The following CTIF variants were observed in gnomAD, a reference collection of about 807,000 sequenced individuals.
CTIF encodes cap binding complex dependent translation initiation factor.
A neutral mutation model predicts 66.0 loss-of-function variants in CTIF; 21 were observed. That is an observed-to-expected ratio of 0.32 (90% CI 0.23 to 0.46). CTIF has a LOEUF of 0.46. Among genes scored for constraint, CTIF ranks in the 20% least tolerant of loss-of-function variants. CTIF has a pLI of 1.00. For synonymous variants in CTIF, 345 were observed against 326.4 expected (o/e 1.06, Z -0.62); for missense variants, 739 against 812.7 (o/e 0.91, Z 1.10).
intron 10 of CTIF, among the ~76,000 whole-genome samples, chr18:48,850,372 T>C (rs1478551866): frequency 6.6e-6 from 1 of 152,176 alleles, no homozygotes; most frequent in Admixed American, 6.5e-5. Flanking sequence ...AGATCTGTGT[T>C]TGAGCTAAGT....
rs559100026 is a variant in CTIF, at chr18:48,810,333, T to A, written c.1372-6888T>A. ...ATTTAGTGGCCAAAATAGTTAAGAC[T>A]ATAAATTGACCTTTCATTATAGTTT... is the stretch of plus-strand genomic sequence containing the variant. On this transcript the variant is annotated intron_variant, in intron 9 of 11. Coordinates refer to ENST00000256413, the MANE Select transcript of CTIF (RefSeq NM_014772.3). Among the ~76,000 whole-genome samples, 29 of 152,254 alleles carry A rather than the reference T, an allele frequency of 1.9e-4. 1 individual carries two copies. In the South Asian group the frequency reaches 5.6e-3, roughly 29 times the overall value.
At chr18:48,803,884 A>G (rs1568232753) in intron 9 of CTIF, among the ~76,000 whole-genome samples, 1 of 152,192 alleles carries the variant, frequency 6.6e-6, no homozygotes, top group African/African-American at 2.4e-5. Flanking sequence ...GGCAGCAGAA[A>G]AATCAGTCAG....
At chr18:48,811,384 G>A (rs1396361984) in intron 9 of CTIF, among the ~76,000 whole-genome samples, 4 of 151,966 alleles carry the variant, frequency 2.6e-5, no homozygotes, top group East Asian at 1.9e-4. Context: ...ACATGCATTC[G>A]GAAAGTTCTT....
intron 10 of CTIF, among the ~76,000 whole-genome samples, chr18:48,820,001 G>A (rs999760242): frequency 3.9e-5 from 6 of 152,338 alleles, no homozygotes; most frequent in East Asian, 1.9e-4. Context: ...GGGGCACGGC[G>A]TCTGGCAGAG....
rs140097565 is a variant in CTIF, at chr18:48,649,246, C to T, written c.252+12561C>T. Among the ~76,000 whole-genome samples, 745 of 152,220 alleles carry T rather than the reference C, an allele frequency of 4.9e-3. 4 individuals are homozygous for T. The highest frequency in any genetic ancestry group is 0.02 in the Middle Eastern group (6 of 294). On this transcript the variant is annotated intron_variant, in intron 3 of 11. Transcript: ENST00000256413. The stretch of plus-strand genomic sequence containing the variant: ...TGGTACCTGGAAAAATGGGACACTC[C>T]CACCCAAATACTGCACTTTTCCAAT...
At chr18:48,636,726 G>A in intron 3 of CTIF, 41 bp downstream of exon 3, 2 of 1,475,758 alleles carry the variant, frequency 1.4e-6, no homozygotes, top group Non-Finnish European at 9.0e-7. Context: ...GGTGTCCTAT[G>A]TCTTGTCTGC....
intron 9 of CTIF, among the ~76,000 whole-genome samples, chr18:48,800,783 C>T (rs548165775): frequency 5.3e-5 from 8 of 152,336 alleles, no homozygotes; most frequent in East Asian, 3.9e-4. Context: ...GAGTGGGAGT[C>T]GGACCAGAGT....
rs184480267 is a variant in CTIF at position 48,770,246 on chromosome 18, C to A, written c.1371+8557C>A. Among the ~76,000 whole-genome samples, 537 of 152,352 alleles carry A rather than the reference C, an allele frequency of 3.5e-3. 6 individuals carry two copies. Among genetic ancestry groups the A allele is most frequent in the African/African-American group, 0.012 (516 of 41,580 alleles). On this transcript the variant is annotated intron_variant, in intron 9 of 11. Coordinates refer to ENST00000256413, the MANE Select transcript of CTIF (RefSeq NM_014772.3). ...GTGCTGCTGCTGTGCCAACTACTGC[C>A]CCAGGCCCCCAGGGACCAGTGAGCT...
chr18:48,781,390 T>C (rs80135929), intron 9 of CTIF, among the ~76,000 whole-genome samples: 2,529 of 152,238 alleles, frequency 0.017, 63 homozygotes, highest in African/African-American at 0.057. Flanking sequence ...TGCGGGGGAT[T>C]TGGCCGGGCC....
chr18:48,676,160 G>A (rs573461182), intron 6 of CTIF, among the ~76,000 whole-genome samples: 91 of 152,140 alleles, frequency 6.0e-4, no homozygotes, highest in Non-Finnish European at 1.1e-3. Flanking sequence ...ATGGCCCCTA[G>A]GTGAGCATTA....
chr18:48,622,034 G>A (rs1028993351), intron 2 of CTIF, among the ~76,000 whole-genome samples: 1 of 152,212 alleles, frequency 6.6e-6, no homozygotes, highest in Non-Finnish European at 1.5e-5. Flanking sequence ...CCACGAAGGT[G>A]CAGAGGCAGA....
rs1478570608 is a variant in CTIF, at chr18:48,863,176, CA to C, written c.*3619del. On this transcript the variant is annotated 3_prime_UTR_variant, in exon 12 of 12. Transcript: ENST00000256413. ...CTGCTTTCCAGCTGAACCCAAACTACAAGTGGGTTTAAAAAAATAAACACCA... is the reference window on the plus strand; with the variant it reads ...CTGCTTTCCAGCTGAACCCAAACTACAGTGGGTTTAAAAAAATAAACACCA... 1 of 138,002 alleles carries C rather than the reference CA, an allele frequency of 7.2e-6. No individual in the cohort carries two copies. Among genetic ancestry groups the C allele is most frequent in the Admixed American group, 7.1e-5 (1 of 14,026 alleles). The allele number at this position is 138,002 out of a possible 1,614,324, so 8.5% of individuals were successfully genotyped here.
At chr18:48,626,843 G>C (rs2090614394) in intron 2 of CTIF, among the ~76,000 whole-genome samples, 1 of 151,734 alleles carries the variant, frequency 6.6e-6, no homozygotes, top group African/African-American at 2.4e-5. Flanking sequence ...TTTTAGTAAA[G>C]ACAGGGTTTC....
chr18:48,648,454 C>T (rs1367965941), intron 3 of CTIF, among the ~76,000 whole-genome samples: 4 of 134,496 alleles, frequency 3.0e-5, no homozygotes, highest in Non-Finnish European at 6.7e-5. Context: ...TCTGGGGTGC[C>T]GTCCTTCGTT....
chr18:48,857,555 T>C, intron 10 of CTIF, 33 bp from the exon 11 acceptor site: 2 of 1,593,246 alleles, frequency 1.3e-6, no homozygotes, highest in Middle Eastern at 1.7e-4. Flanking sequence ...GCATGTCTCC[T>C]TCAGTGGTGC....
chr18:48,566,187 A>G lies in CTIF; in HGVS notation c.-29+26875A>G, dbSNP rs886918677. ...AGTGAGTGTCAGTGAGTAAACACGC[A>G]CGCAAAAGAATAAAACCATCAACAA... On this transcript the variant is annotated intron_variant, in intron 1 of 11. Transcript: ENST00000256413. 7 of 152,364 alleles carry G rather than the reference A, an allele frequency of 4.6e-5. No homozygotes were observed. The East Asian group carries it at 1.3e-3, about 29-fold the overall frequency. The allele number at this position is 152,364 out of a possible 1,614,324, so 9.4% of individuals were successfully genotyped here. A position where few individuals can be genotyped will look rare whatever the true frequency, so the allele number is the denominator to read the frequency against.
At chr18:48,764,838 T>C (rs903918829) in intron 9 of CTIF, among the ~76,000 whole-genome samples, 5 of 152,214 alleles carry the variant, frequency 3.3e-5, no homozygotes, top group African/African-American at 1.2e-4. Flanking sequence ...AGAGGCTTGA[T>C]CTGCGTTCTC....
chr18:48,541,962 G>A (rs917509122), intron 1 of CTIF, among the ~76,000 whole-genome samples: 1 of 152,046 alleles, frequency 6.6e-6, no homozygotes, highest in African/African-American at 2.4e-5. Flanking sequence ...AGGCCTCTGG[G>A]TGGGGGAAGG....
chr18:48,830,442 G>T (rs1411060564), intron 10 of CTIF, among the ~76,000 whole-genome samples: 1 of 152,130 alleles, frequency 6.6e-6, no homozygotes, highest in East Asian at 1.9e-4. Context: ...GGGATTACAG[G>T]CTACAGGCGT....
Sources: allele counts gnomAD v4.1 joint callset (sites outside exome capture counted in the v4.1 genomes callset), GRCh38; gene constraint gnomAD v4.1.1; transcripts MANE v1.5; gene names NCBI Gene and HGNC (gene_info 2026-07-23, HGNC 2026-07-21).